NF1: variants seen among roughly 807,000 people sequenced by gnomAD.
NF1 encodes the protein neurofibromin.
In NF1, 122 loss-of-function variants were observed where a neutral mutation model predicts 325.7. The observed-to-expected ratio is 0.37, with a 90% CI of 0.32 to 0.44. The LOEUF (loss-of-function observed/expected upper bound fraction) is 0.44. Ranked by LOEUF, NF1 falls within the 20% of genes least tolerant of loss-of-function variation. The probability of loss-of-function intolerance (pLI) is 1.00; values close to 1 mark genes in which losing one functional copy is unlikely to be tolerated. For synonymous variants in NF1, 1,091 were observed against 1,186.0 expected, an observed-to-expected ratio of 0.92 and a Z score of 1.65; for missense variants, 2,140 against 3,415.4, an observed-to-expected ratio of 0.63 and a Z score of 9.31.
intron 1 of NF1, among the ~76,000 whole-genome samples, chr17:31,155,059 G>A (rs1484772288): frequency 6.6e-6 from 1 of 152,024 alleles, no homozygotes; most frequent in African/African-American, 2.4e-5. Flanking sequence ...CAAAATAATC[G>A]TCCATTATTA....
intron 29 of NF1, among the ~76,000 whole-genome samples, chr17:31,242,392 T>C (rs1464077877): frequency 1.5e-5 from 2 of 136,546 alleles, no homozygotes; most frequent in Admixed American, 1.7e-4. Flanking sequence ...CTCTGCTCAC[T>C]GCACCCTCCG....
intron 36 of NF1, chr17:31,307,934 T>G (rs1358461676): frequency 7.8e-6 from 10 of 1,288,648 alleles, no homozygotes; most frequent in Non-Finnish European, 1.0e-5. Flanking sequence ...CCTCTACCAC[T>G]TGGTACACAG....
intron 27 of NF1, among the ~76,000 whole-genome samples, chr17:31,234,560 C>T (rs905600256): frequency 1.3e-5 from 2 of 150,494 alleles, no homozygotes; most frequent in African/African-American, 4.9e-5. Flanking sequence ...CCAATAGTCC[C>T]AGCTACTTGG....
At chr17:31,213,179 A>G (rs1235913666) in intron 12 of NF1, among the ~76,000 whole-genome samples, 1 of 152,204 alleles carries the variant, frequency 6.6e-6, no homozygotes, top group Non-Finnish European at 1.5e-5. Flanking sequence ...GGAAAAAAAT[A>G]CAGTTGAAAG....
chr17:31,313,757 TGA>T (rs1233260898), intron 36 of NF1, among the ~76,000 whole-genome samples: 3 of 135,560 alleles, frequency 2.2e-5, no homozygotes, highest in Non-Finnish European at 4.8e-5. Flanking sequence ...TGTGTGTGTG[TGA>T]GATTAAATAA....
Position 31,127,139 on chromosome 17 carries a change from G to C in NF1, c.61-28844G>C, listed in dbSNP as rs138638129. ...GCTCAGTTTCTAGACTCTCAGTTCGGCTCTCTCCTCTAGTGCCAGTAATCC... is the reference window on the plus strand; with the variant it reads ...GCTCAGTTTCTAGACTCTCAGTTCGCCTCTCTCCTCTAGTGCCAGTAATCC... On this transcript the variant is annotated intron_variant, in intron 1 of 57. Coordinates refer to ENST00000358273, the MANE Select transcript of NF1 (RefSeq NM_001042492.3). 3.0e-3 allele frequency among the ~76,000 whole-genome samples: 450 copies of C among 150,436 alleles called. 2 individuals carry two copies. Among genetic ancestry groups the C allele is most frequent in the African/African-American group, 0.01 (418 of 39,858 alleles).
At chr17:31,363,716 G>A (rs960038815) in intron 57 of NF1, among the ~76,000 whole-genome samples, 18 of 147,226 alleles carry the variant, frequency 1.2e-4, no homozygotes, top group Non-Finnish European at 1.8e-4. Flanking sequence ...GATTACAGGC[G>A]TGAGCCACTG....
At chr17:31,263,099 G>GATAGA (rs1567864130) in intron 35 of NF1, among the ~76,000 whole-genome samples, 1 of 89,672 alleles carries the variant, frequency 1.1e-5, no homozygotes, top group African/African-American at 4.0e-5. Flanking sequence ...AGGTAGGTAG[G>GATAGA]TAGGTAGGTA....
intron 5 of NF1, among the ~76,000 whole-genome samples, chr17:31,170,418 A>G (rs1029588987): frequency 6.6e-6 from 1 of 152,228 alleles, no homozygotes; most frequent in South Asian, 2.1e-4. Context: ...TTGTGATGTT[A>G]TGGTGAGAGG....
chr17:31,282,185 A>ATC (rs1251390693), intron 36 of NF1, among the ~76,000 whole-genome samples: 5 of 152,028 alleles, frequency 3.3e-5, no homozygotes, highest in African/African-American at 1.2e-4. Context: ...GATCAAGACC[A>ATC]TCCTGGCTAA....
intron 1 of NF1, among the ~76,000 whole-genome samples, chr17:31,111,488 A>G (rs746220745): frequency 7.2e-5 from 11 of 152,170 alleles, no homozygotes; most frequent in Non-Finnish European, 1.6e-4. Flanking sequence ...ACAAAGAGAA[A>G]CGCTTAAAAG....
chr17:31,203,304 G>T (rs1444036803), intron 11 of NF1, among the ~76,000 whole-genome samples: 2 of 152,050 alleles, frequency 1.3e-5, no homozygotes, highest in Non-Finnish European at 2.9e-5. Flanking sequence ...ATGAAAATCT[G>T]TTTTTATAAA....
At chr17:31,119,799 A>G (rs1315398233) in intron 1 of NF1, among the ~76,000 whole-genome samples, 2 of 152,208 alleles carry the variant, frequency 1.3e-5, no homozygotes, top group Admixed American at 6.5e-5. Flanking sequence ...AGGTATAACA[A>G]AAGGGCCCAG....
chr17:31,350,856 AT>A (rs1305339227), intron 50 of NF1, among the ~76,000 whole-genome samples: 3 of 152,166 alleles, frequency 2.0e-5, no homozygotes, highest in Non-Finnish European at 2.9e-5. Context: ...AAATGGCATC[AT>A]TGGGGGATTT....
intron 1 of NF1, among the ~76,000 whole-genome samples, chr17:31,124,355 A>C (rs1252289220): frequency 6.7e-6 from 1 of 150,076 alleles, no homozygotes; most frequent in South Asian, 2.1e-4. Context: ...GTGAACCACC[A>C]CTCCTGGCCT....
intron 55 of NF1, 126 bp downstream of exon 55, chr17:31,358,748 A>T: frequency 7.5e-7 from 1 of 1,332,306 alleles, no homozygotes; most frequent in Non-Finnish European, 1.1e-6. Flanking sequence ...TCCATATTCC[A>T]TTTTTTTACT....
chr17:31,099,132 TTA>T (rs1277146964), intron 1 of NF1, among the ~76,000 whole-genome samples: 1 of 152,068 alleles, frequency 6.6e-6, no homozygotes, highest in Non-Finnish European at 1.5e-5. Context: ...GCAACTCTGT[TTA>T]TGATTGCTGT....
chr17:31,344,121 A>T (rs2069905940), intron 48 of NF1, among the ~76,000 whole-genome samples: 1 of 152,218 alleles, frequency 6.6e-6, no homozygotes, highest in Admixed American at 6.5e-5. Flanking sequence ...GAAAATGTTA[A>T]GAGATTTGAT....
chr17:31,207,012 A>T (rs2066636668), intron 12 of NF1, among the ~76,000 whole-genome samples: 1 of 152,182 alleles, frequency 6.6e-6, no homozygotes, highest in Non-Finnish European at 1.5e-5. Flanking sequence ...AAAGATAATT[A>T]TAAGATTGTG....
Sources: gnomAD v4.1 joint callset for allele counts (sites outside exome capture counted in the v4.1 genomes callset) on GRCh38, gnomAD v4.1.1 for gene constraint, MANE v1.5 for transcripts, NCBI Gene and HGNC (gene_info 2026-07-23, HGNC 2026-07-21) for gene names.